AP2B1: variants seen among roughly 807,000 people sequenced by gnomAD.
The protein encoded by AP2B1 is adaptor related protein complex 2 subunit beta 1, also known as AP-2 complex subunit beta.
In AP2B1, 23 loss-of-function variants were observed where a neutral mutation model predicts 102.0. That is an observed-to-expected ratio of 0.23 (90% CI 0.16 to 0.32). The LOEUF is 0.32. Ranked by LOEUF, AP2B1 falls within the 10% of genes least tolerant of loss-of-function variation. The pLI, the probability that AP2B1 is intolerant of heterozygous loss-of-function variation, is 1.00. For synonymous variants in AP2B1, 381 were observed against 421.2 expected, an observed-to-expected ratio of 0.90 and a Z score of 1.17; for missense variants, 541 against 1,157.4, an observed-to-expected ratio of 0.47 and a Z score of 7.73.
At chr17:35,637,904 C>T (rs892586243) in intron 10 of AP2B1, among the ~76,000 whole-genome samples, 5 of 152,004 alleles carry the variant, frequency 3.3e-5, no homozygotes, top group African/African-American at 1.2e-4. Context: ...AGGCTGGTCT[C>T]GAACTTCTGA....
intron 17 of AP2B1, among the ~76,000 whole-genome samples, chr17:35,680,160 G>A (rs1036286964): frequency 1.2e-4 from 18 of 152,058 alleles, no homozygotes; most frequent in Non-Finnish European, 1.9e-4. Flanking sequence ...CACCAGCCTC[G>A]GCCTCCCAAA....
At chr17:35,598,694 C>T (rs1292657164) in intron 3 of AP2B1, among the ~76,000 whole-genome samples, 2 of 152,230 alleles carry the variant, frequency 1.3e-5, no homozygotes, top group African/African-American at 4.8e-5. Context: ...TGATCTTTAA[C>T]TGGCTCAAGC....
intron 9 of AP2B1, among the ~76,000 whole-genome samples, chr17:35,634,884 T>G (rs2074561738): frequency 6.6e-6 from 1 of 152,188 alleles, no homozygotes. Flanking sequence ...ACCTCCTACT[T>G]TGGCTTATTC....
chr17:35,710,947 C>G (rs1453746140), intron 20 of AP2B1, among the ~76,000 whole-genome samples: 2 of 152,086 alleles, frequency 1.3e-5, no homozygotes, highest in Non-Finnish European at 2.9e-5. Flanking sequence ...ACTACACTGC[C>G]CTGTGCCACC....
chr17:35,591,803 T>G (rs970932133), intron 1 of AP2B1, among the ~76,000 whole-genome samples: 1 of 152,264 alleles, frequency 6.6e-6, no homozygotes, highest in Non-Finnish European at 1.5e-5. Context: ...TATAACATTC[T>G]TTGAATTTTT....
intron 21 of AP2B1, among the ~76,000 whole-genome samples, chr17:35,718,704 G>C (rs905340714): frequency 4.6e-5 from 7 of 151,878 alleles, no homozygotes; most frequent in African/African-American, 1.5e-4. Context: ...AAAAGGGTTG[G>C]GGGGAGAATA....
chr17:35,706,288 C>T (rs1369812298), intron 18 of AP2B1, among the ~76,000 whole-genome samples: 2 of 152,210 alleles, frequency 1.3e-5, no homozygotes, highest in African/African-American at 4.8e-5. Flanking sequence ...TGTTAAAAGG[C>T]TCCTGTTGGC....
intron 3 of AP2B1, among the ~76,000 whole-genome samples, chr17:35,605,101 G>A (rs770542830): frequency 8.6e-5 from 13 of 151,932 alleles, no homozygotes; most frequent in African/African-American, 2.7e-4. Flanking sequence ...AGAGGATCTC[G>A]CCATGTTGTC....
At chr17:35,640,457 C>G (rs1276904336) in intron 11 of AP2B1, among the ~76,000 whole-genome samples, 1 of 150,342 alleles carries the variant, frequency 6.7e-6, no homozygotes, top group Non-Finnish European at 1.5e-5. Context: ...AGGCTGGTCT[C>G]GAACTCCTGA....
chr17:35,622,436 A>G (rs2074206023), intron 5 of AP2B1, among the ~76,000 whole-genome samples: 2 of 152,216 alleles, frequency 1.3e-5, no homozygotes, highest in African/African-American at 4.8e-5. Flanking sequence ...TGCTGGGATA[A>G]TCTGAAGATT....
intron 5 of AP2B1, among the ~76,000 whole-genome samples, chr17:35,609,186 CTATT>C (rs1841634816): frequency 6.6e-6 from 1 of 151,960 alleles, no homozygotes; most frequent in Admixed American, 6.6e-5. Flanking sequence ...ATTTATCTAT[CTATT>C]TATTTATTTT....
chr17:35,707,551 C>G (rs2076369381), intron 18 of AP2B1, among the ~76,000 whole-genome samples: 1 of 150,606 alleles, frequency 6.6e-6, no homozygotes, highest in African/African-American at 2.4e-5. Flanking sequence ...CTCCCAAGTT[C>G]AAGCTATTCT....
At chr17:35,640,239 T>TTTA (rs1555566368) in intron 11 of AP2B1, among the ~76,000 whole-genome samples, 4 of 38,888 alleles carry the variant, frequency 1.0e-4, no homozygotes, top group South Asian at 9.7e-4. Flanking sequence ...TTTTTTTTTT[T>TTTA]TTTTTTTTTT....
At chr17:35,624,690 G>C in intron 6 of AP2B1, 103 bp downstream of exon 6, 2 of 1,065,238 alleles carry the variant, frequency 1.9e-6, no homozygotes, top group Non-Finnish European at 2.7e-6. Flanking sequence ...AGTGGCTTCT[G>C]GGGTAGATAT....
chr17:35,669,006 T>A (rs1267822435), intron 14 of AP2B1, among the ~76,000 whole-genome samples: 1 of 152,238 alleles, frequency 6.6e-6, no homozygotes, highest in African/African-American at 2.4e-5. Flanking sequence ...TGTAAATGTT[T>A]GTTTGAATAA....
chr17:35,628,614 G>C (rs375121781), intron 9 of AP2B1, among the ~76,000 whole-genome samples: 1 of 151,800 alleles, frequency 6.6e-6, no homozygotes, highest in East Asian at 1.9e-4. Flanking sequence ...GCAAGACGCT[G>C]TCTCAAAAAA....
At position 35,600,958 on chromosome 17, in the gene AP2B1, T is replaced by A. The variant is rs1160763688; in HGVS notation, c.143+2623T>A. 8 of 981,132 alleles carry A rather than the reference T, an allele frequency of 8.2e-6. No homozygotes were observed. In the East Asian group the frequency reaches 6.8e-4, roughly 84 times the overall value. The allele number at this position is 981,132 out of a possible 1,614,324, so 60.8% of individuals were successfully genotyped here. A position where few individuals can be genotyped will look rare whatever the true frequency, so the allele number is the denominator to read the frequency against. On this transcript the variant is annotated intron_variant, in intron 3 of 21. Transcript: ENST00000610402. Reference sequence around the variant, plus strand: ...CCAGGTGCTGCTCTTCTGAGGTGAATTTTTGTTATTTTTCTTTTGTTTGTT... The same window carrying A: ...CCAGGTGCTGCTCTTCTGAGGTGAAATTTTGTTATTTTTCTTTTGTTTGTT...
chr17:35,692,924 T>C (rs746895616), intron 18 of AP2B1, among the ~76,000 whole-genome samples: 28 of 152,146 alleles, frequency 1.8e-4, no homozygotes, highest in Non-Finnish European at 3.4e-4. Context: ...AGTGATTTGC[T>C]ACTCTAAATG....
chr17:35,695,328 T>C (rs917029931), intron 18 of AP2B1, among the ~76,000 whole-genome samples: 1 of 152,122 alleles, frequency 6.6e-6, no homozygotes, highest in Admixed American at 6.5e-5. Context: ...ATTTAACTTA[T>C]AAAACTTTCA....
Sources: allele counts gnomAD v4.1 joint callset (sites outside exome capture counted in the v4.1 genomes callset), GRCh38; gene constraint gnomAD v4.1.1; transcripts MANE v1.5; gene names NCBI Gene and HGNC (gene_info 2026-07-23, HGNC 2026-07-21).